The following COL13A1 variants were observed in gnomAD, a reference collection of about 807,000 sequenced individuals.
COL13A1 encodes the protein collagen alpha-1(XIII) chain.
COL13A1 carries 89 observed loss-of-function variants against 130.9 expected under a neutral mutation model. The observed-to-expected ratio is 0.68, with a 90% CI of 0.57 to 0.81. The LOEUF is 0.81. Among genes scored for constraint, COL13A1 ranks in the 30% least tolerant of loss-of-function variants. COL13A1 has a pLI of 0.00. For synonymous variants in COL13A1, 402 were observed against 341.6 expected, an observed-to-expected ratio of 1.18 and a Z score of -1.95; for missense variants, 879 against 934.6, an observed-to-expected ratio of 0.94 and a Z score of 0.78.
chr10:69,930,409 G>A lies in COL13A1; in HGVS notation c.1540G>A (p.Gly514Ser), dbSNP rs767462995. ...PGHDGEKGPR[G>S]KPGDMGPPGP... ...TTGGTATTTTCTAAAGGGACCTCGC[G>A]GTAAACCAGGAGACATGGGCCCTCC... The change falls in exon 30 of 41, where the codon GGT becomes AGT. Residue 514 changes from glycine to serine, a missense_variant. Physicochemically the swap from Gly to Ser is moderately conservative, Grantham distance 56. Coordinates refer to ENST00000645393, the MANE Select transcript of COL13A1 (RefSeq NM_001368882.1). 30 of 1,605,956 alleles carry A rather than the reference G, an allele frequency of 1.9e-5. No homozygotes were observed. The highest frequency in any genetic ancestry group is 2.2e-5 in the East Asian group (1 of 44,838).
intron 31 of COL13A1, among the ~76,000 whole-genome samples, 167 bp downstream of exon 31, chr10:69,932,771 C>T (rs1282395048): frequency 6.6e-6 from 1 of 152,194 alleles, no homozygotes; most frequent in Non-Finnish European, 1.5e-5. Context: ...CTTCCCAAAC[C>T]ACATCTCTCA....
chr10:69,841,229 T>G (rs933137367), intron 2 of COL13A1, among the ~76,000 whole-genome samples: 18 of 152,168 alleles, frequency 1.2e-4, no homozygotes, highest in African/African-American at 4.3e-4. Flanking sequence ...GATTTGGCCT[T>G]AGTTGTAAAC....
intron 34 of COL13A1, among the ~76,000 whole-genome samples, chr10:69,938,174 A>T (rs2067187883): frequency 2.0e-5 from 3 of 152,156 alleles, no homozygotes; most frequent in Admixed American, 6.5e-5. Flanking sequence ...ACAAAGTCAG[A>T]CTTTGTGGTC....
chr10:69,909,565 C>G (rs1437112780), intron 17 of COL13A1, among the ~76,000 whole-genome samples: 3 of 152,208 alleles, frequency 2.0e-5, no homozygotes, highest in African/African-American at 7.2e-5. Context: ...TATCTTGCCA[C>G]TAACTCTCCA....
chr10:69,931,626 C>G (rs2135859569), intron 30 of COL13A1, among the ~76,000 whole-genome samples: 1 of 152,312 alleles, frequency 6.6e-6, no homozygotes, highest in Non-Finnish European at 1.5e-5. Flanking sequence ...AGGCAGGCAG[C>G]TCACTGCCTC....
At chr10:69,931,051 A>T in intron 30 of COL13A1, 1 of 390,808 alleles carries the variant, frequency 2.6e-6, no homozygotes, top group South Asian at 1.9e-5. Context: ...GTGCCATCCT[A>T]GACACCTACC....
intron 15 of COL13A1, among the ~76,000 whole-genome samples, chr10:69,904,496 A>G (rs1325398950): frequency 6.6e-6 from 1 of 152,142 alleles, no homozygotes; most frequent in East Asian, 1.9e-4. Context: ...TGCCCACAGC[A>G]CCATGGGCAG....
At chr10:69,840,570 C>T (rs1350020728) in intron 2 of COL13A1, among the ~76,000 whole-genome samples, 1 of 152,146 alleles carries the variant, frequency 6.6e-6, no homozygotes, top group African/African-American at 2.4e-5. Context: ...TCCTGAAATA[C>T]TGGGATGATG....
At chr10:69,823,970 G>A in intron 2 of COL13A1, 1 of 408,508 alleles carries the variant, frequency 2.4e-6, no homozygotes, top group Non-Finnish European at 5.1e-6. Flanking sequence ...GATCATGTCT[G>A]TTGCCCTTAT....
Position 69,924,919 on chromosome 10 carries a change from T to A in COL13A1, c.1285-44T>A, listed in dbSNP as rs1256312107. On this transcript the variant is annotated intron_variant, in intron 24 of 40. Coordinates refer to ENST00000645393, the MANE Select transcript of COL13A1 (RefSeq NM_001368882.1). ...CCATCTAGGGACATCAGGCTCTCTG[T>A]ACCAACTTTATCCCCACTTTGCTCC... The A allele has an allele frequency of 2.6e-6, 4 of 1,543,220 alleles. No individual in the cohort carries two copies. In the South Asian group the frequency reaches 5.1e-5, roughly 20 times the overall value.
chr10:69,928,751 G>GTGCT (rs2065708884), intron 27 of COL13A1, among the ~76,000 whole-genome samples, 186 bp from the exon 28 acceptor site: 1 of 152,164 alleles, frequency 6.6e-6, no homozygotes, highest in Admixed American at 6.5e-5. Flanking sequence ...GTCACACTTG[G>GTGCT]TGCTTATATG....
At chr10:69,858,937 C>A (rs1648464451) in intron 2 of COL13A1, among the ~76,000 whole-genome samples, 1 of 152,156 alleles carries the variant, frequency 6.6e-6, no homozygotes, top group South Asian at 2.1e-4. Context: ...CCACAAGAGC[C>A]CCACCTGCAA....
chr10:69,904,366 C>G (rs566734817), intron 15 of COL13A1, among the ~76,000 whole-genome samples: 7 of 152,194 alleles, frequency 4.6e-5, no homozygotes, highest in Non-Finnish European at 8.8e-5. Context: ...CAGACTCAGG[C>G]ATCACGGCTT....
chr10:69,859,828 C>T (rs1275949974), intron 2 of COL13A1, among the ~76,000 whole-genome samples: 2 of 152,262 alleles, frequency 1.3e-5, no homozygotes, highest in Non-Finnish European at 2.9e-5. Context: ...CCAGACAGCA[C>T]ATTTCCTTTC....
At chr10:69,837,199 T>C (rs1850324610) in intron 2 of COL13A1, among the ~76,000 whole-genome samples, 2 of 152,202 alleles carry the variant, frequency 1.3e-5, no homozygotes, top group East Asian at 1.9e-4. Context: ...CTCGGGGTGT[T>C]CGGGAATCTG....
chr10:69,950,624 G>A (rs759070042), intron 38 of COL13A1, among the ~76,000 whole-genome samples: 3 of 152,170 alleles, frequency 2.0e-5, no homozygotes, highest in Non-Finnish European at 4.4e-5. Flanking sequence ...TACCATTTGG[G>A]GATGATTTGT....
intron 13 of COL13A1, chr10:69,897,465 C>A (rs2061760672): frequency 6.2e-7 from 1 of 1,613,776 alleles, no homozygotes; most frequent in South Asian, 1.1e-5. Context: ...TCCATCCCCT[C>A]CCAAACTAGG....
At chr10:69,890,338 C>T (rs977763740) in intron 10 of COL13A1, among the ~76,000 whole-genome samples, 8 of 152,142 alleles carry the variant, frequency 5.3e-5, no homozygotes, top group East Asian at 1.9e-4. Flanking sequence ...TCAATAAATC[C>T]CTGCTTTAAA....
At chr10:69,941,115 C>T (rs1442566232) in intron 35 of COL13A1, 92 bp downstream of exon 35, 66 of 1,593,876 alleles carry the variant, frequency 4.1e-5, no homozygotes, top group Non-Finnish European at 5.5e-5. Context: ...CCTCATTTTC[C>T]CAGTGAATCA....
Sources: allele counts gnomAD v4.1 joint callset (sites outside exome capture counted in the v4.1 genomes callset), GRCh38; gene constraint gnomAD v4.1.1; transcripts MANE v1.5; gene names NCBI Gene and HGNC (gene_info 2026-07-23, HGNC 2026-07-21).